Variants in CNTNAP2 observed in about 807,000 individuals in gnomAD.
CNTNAP2 encodes contactin associated protein 2.
CNTNAP2 carries 98 observed loss-of-function variants against 155.2 expected under a neutral mutation model. That is an observed-to-expected ratio of 0.63 (90% confidence interval 0.54 to 0.75). The LOEUF is 0.75. Among genes scored for constraint, CNTNAP2 ranks in the 30% least tolerant of loss-of-function variants. The pLI is 0.00. For synonymous variants in CNTNAP2, 651 were observed against 631.2 expected (o/e 1.03, Z -0.47); for missense variants, 1,727 against 1,688.1 (o/e 1.02, Z -0.40).
chr7:147,942,906 G>A (rs138908321), intron 14 of CNTNAP2, among the ~76,000 whole-genome samples: 345 of 152,050 alleles, frequency 2.3e-3, no homozygotes, highest in African/African-American at 8.0e-3. Context: ...GTGTGGTGGC[G>A]GGTGCCTGTA....
intron 13 of CNTNAP2, among the ~76,000 whole-genome samples, chr7:147,819,350 C>T (rs907882901): frequency 7.2e-5 from 11 of 152,104 alleles, no homozygotes; most frequent in African/African-American, 2.7e-4. Context: ...TTTTCAACAA[C>T]GTTGCTGAAA....
rs150224728 is a variant in CNTNAP2, at chr7:147,495,840, A to G, written c.1777+9799A>G. On this transcript the variant is annotated intron_variant, in intron 11 of 23. Transcript: ENST00000361727. ...TGTGGCCTTTTAGGAACTGGGCCAC[A>G]TAGCAGAAGGTGAGCAGTGGTGGAG... 4.6e-3 allele frequency among the ~76,000 whole-genome samples: 700 copies of G among 152,318 alleles called. 7 individuals are homozygous for G. Among genetic ancestry groups the G allele is most frequent in the Non-Finnish European group, 6.4e-3 (436 of 68,030 alleles).
chr7:147,073,213 C>CA (rs1799931970), intron 4 of CNTNAP2, among the ~76,000 whole-genome samples: 1 of 141,272 alleles, frequency 7.1e-6, no homozygotes, highest in Admixed American at 7.0e-5. Flanking sequence ...ATATATTCCA[C>CA]AAAATACTAT....
intron 11 of CNTNAP2, among the ~76,000 whole-genome samples, chr7:147,503,056 T>C (rs1270402637): frequency 6.6e-6 from 1 of 152,196 alleles, no homozygotes; most frequent in Admixed American, 6.5e-5. Context: ...ACATTCTTGC[T>C]GGTCAAAACA....
intron 15 of CNTNAP2, among the ~76,000 whole-genome samples, chr7:147,997,833 G>A (rs889064050): frequency 7.9e-5 from 12 of 152,078 alleles, no homozygotes; most frequent in South Asian, 6.2e-4. Context: ...GTGCACATGC[G>A]CAGTAGCCGC....
intron 11 of CNTNAP2, among the ~76,000 whole-genome samples, chr7:147,539,417 T>G (rs532324637): frequency 6.6e-6 from 1 of 151,846 alleles, no homozygotes; most frequent in East Asian, 1.9e-4. Flanking sequence ...AACAGAAGAG[T>G]CATCCAGAGC....
At chr7:147,140,284 A>G (rs1801566296) in intron 8 of CNTNAP2, among the ~76,000 whole-genome samples, 1 of 151,930 alleles carries the variant, frequency 6.6e-6, no homozygotes, top group Non-Finnish European at 1.5e-5. Context: ...TCTATTGCTG[A>G]ACCTCTGTCC....
intron 13 of CNTNAP2, among the ~76,000 whole-genome samples, chr7:147,656,725 G>A (rs1359284736): frequency 1.3e-5 from 2 of 152,124 alleles, no homozygotes; most frequent in African/African-American, 4.8e-5. Flanking sequence ...AATTACCAGA[G>A]TGTGACAGAG....
intron 13 of CNTNAP2, among the ~76,000 whole-genome samples, chr7:147,667,173 G>A (rs1795709219): frequency 6.6e-6 from 1 of 152,196 alleles, no homozygotes. Context: ...AGTAAGTGGT[G>A]AGTCTGCAAG....
At chr7:147,736,517 G>C (rs1430999496) in intron 13 of CNTNAP2, among the ~76,000 whole-genome samples, 1 of 152,114 alleles carries the variant, frequency 6.6e-6, no homozygotes, top group Non-Finnish European at 1.5e-5. Flanking sequence ...TGCTCTTCTT[G>C]AGGAGTATCT....
intron 15 of CNTNAP2, among the ~76,000 whole-genome samples, chr7:148,096,799 C>G (rs1387970055): frequency 6.6e-6 from 1 of 152,124 alleles, no homozygotes; most frequent in East Asian, 1.9e-4. Context: ...CAAACCTTGC[C>G]CAAGGCCCTG....
chr7:147,034,370 G>T (rs1326338147), intron 3 of CNTNAP2, among the ~76,000 whole-genome samples: 1 of 152,104 alleles, frequency 6.6e-6, no homozygotes, highest in Non-Finnish European at 1.5e-5. Context: ...CACTTCTTCA[G>T]TGCTCCCCTG....
intron 8 of CNTNAP2, among the ~76,000 whole-genome samples, chr7:147,186,616 C>T (rs1802572542): frequency 6.6e-6 from 1 of 152,004 alleles, no homozygotes; most frequent in South Asian, 2.1e-4. Context: ...GCTGAGAGAG[C>T]TATGTAAAAA....
rs1175915068 is a variant in CNTNAP2 at position 147,903,673 on chromosome 7, G to T, written c.2207G>T (p.Cys736Phe). The T allele has an allele frequency of 6.2e-7, 1 of 1,614,002 alleles. No individual in the cohort carries two copies. The highest frequency in any genetic ancestry group is 1.3e-5 in the African/African-American group (1 of 75,052). The change falls in exon 14 of 24, where the codon TGC becomes TTC. Residue 736 changes from cysteine to phenylalanine, a missense_variant. By Grantham distance (205) the Cys-to-Phe change is radical. Transcript: ENST00000361727. ...QKCACGIERNCTDPKYYCNCD... is the reference protein window; with the variant it reads ...QKCACGIERNFTDPKYYCNCD... Reference sequence around the variant, plus strand: ...TGTGCCTGCGGCATCGAACGCAACTGCACAGATCCCAAGTACTACTGTAAC... The same window carrying T: ...TGTGCCTGCGGCATCGAACGCAACTTCACAGATCCCAAGTACTACTGTAAC...
intron 3 of CNTNAP2, among the ~76,000 whole-genome samples, chr7:147,028,141 G>A (rs1227567814): frequency 1.3e-5 from 2 of 152,112 alleles, no homozygotes; most frequent in Non-Finnish European, 2.9e-5. Flanking sequence ...ACAGTCTCAT[G>A]GAGAAGAAGG....
At chr7:146,593,287 A>C (rs549828413) in intron 1 of CNTNAP2, among the ~76,000 whole-genome samples, 3 of 152,028 alleles carry the variant, frequency 2.0e-5, no homozygotes, top group African/African-American at 7.2e-5. Context: ...GTTAGTGACC[A>C]GATTCCAGTG....
intron 3 of CNTNAP2, among the ~76,000 whole-genome samples, chr7:146,947,423 T>C (rs1451555405): frequency 7.1e-6 from 1 of 141,482 alleles, no homozygotes; most frequent in African/African-American, 2.6e-5. Flanking sequence ...TATATATATA[T>C]ATATATACAT....
intron 1 of CNTNAP2, among the ~76,000 whole-genome samples, chr7:146,330,429 AAAAC>A (rs1421945794): frequency 6.6e-6 from 1 of 152,198 alleles, no homozygotes; most frequent in Non-Finnish European, 1.5e-5. Flanking sequence ...GGGTGGCTAT[AAAAC>A]AAACCTGTTC....
intron 9 of CNTNAP2, among the ~76,000 whole-genome samples, chr7:147,328,173 A>G (rs890274226): frequency 1.3e-5 from 2 of 152,206 alleles, no homozygotes; most frequent in Non-Finnish European, 2.9e-5. Context: ...ATCTTCCCAC[A>G]AAGAAAATGA....
Sources: gnomAD v4.1 joint callset for allele counts (sites outside exome capture counted in the v4.1 genomes callset) on GRCh38, gnomAD v4.1.1 for gene constraint, MANE v1.5 for transcripts, NCBI Gene and HGNC (gene_info 2026-07-23, HGNC 2026-07-21) for gene names.